Variants in MALRD1 observed in about 807,000 individuals in gnomAD.
MALRD1 encodes the protein MAM and LDL-receptor class A domain-containing protein 1.
MALRD1 carries 247 observed loss-of-function variants against 242.1 expected under a neutral mutation model. The ratio of observed to expected loss-of-function variants is 1.02; its 90% CI spans 0.92 to 1.13. The LOEUF (loss-of-function observed/expected upper bound fraction) is 1.13. Ranked by LOEUF, MALRD1 falls within the 50% of genes most tolerant of loss-of-function variation. MALRD1 has a pLI of 0.00. For missense variants in MALRD1, 2,989 were observed against 2,533.1 expected, an observed-to-expected ratio of 1.18 and a Z score of -3.86; for synonymous variants, 995 against 866.6, an observed-to-expected ratio of 1.15 and a Z score of -2.60.
At chr10:19,220,844 A>G (rs567860605) in intron 18 of MALRD1, among the ~76,000 whole-genome samples, 8 of 152,178 alleles carry the variant, frequency 5.3e-5, no homozygotes, top group Non-Finnish European at 1.0e-4. Flanking sequence ...CAACTTGTGA[A>G]TTATTTGGCA....
intron 38 of MALRD1, among the ~76,000 whole-genome samples, chr10:19,730,298 A>G (rs1835235339): frequency 6.6e-6 from 1 of 152,208 alleles, no homozygotes; most frequent in South Asian, 2.1e-4. Context: ...TTCAGGATGT[A>G]GTGGTTTGGC....
At chr10:19,482,249 A>C (rs3852460) in intron 29 of MALRD1, among the ~76,000 whole-genome samples, 35,907 of 151,954 alleles carry the variant, frequency 0.24, 5,225 homozygotes, top group East Asian at 0.41. Flanking sequence ...ACTAGGGGTT[A>C]ACTTTTGCTT....
At chr10:19,330,807 A>C (rs1030410247) in intron 23 of MALRD1, among the ~76,000 whole-genome samples, 1 of 152,164 alleles carries the variant, frequency 6.6e-6, no homozygotes, top group Non-Finnish European at 1.5e-5. Flanking sequence ...CTCATCACAT[A>C]CATGAATCAA....
chr10:19,431,556 T>C (rs557605474), intron 28 of MALRD1, among the ~76,000 whole-genome samples: 1 of 152,328 alleles, frequency 6.6e-6, no homozygotes, highest in Middle Eastern at 3.4e-3. Flanking sequence ...TCAGAAAATT[T>C]CACGTTGAAC....
chr10:19,065,972 T>C (rs928212008), intron 1 of MALRD1, among the ~76,000 whole-genome samples: 1 of 152,154 alleles, frequency 6.6e-6, no homozygotes, highest in Non-Finnish European at 1.5e-5. Flanking sequence ...AGTTTTAAGA[T>C]GTAACCTTAA....
At chr10:19,327,413 A>C in intron 22 of MALRD1, 150 bp from the exon 23 acceptor site, 1 of 580,000 alleles carries the variant, frequency 1.7e-6, no homozygotes, top group Non-Finnish European at 3.0e-6. Context: ...GAAAACAAAG[A>C]TATCTAATAA....
chr10:19,347,851 C>T lies in MALRD1; in HGVS notation c.3982C>T (p.Leu1328=), dbSNP rs1292634892. 1.9e-5 allele frequency: 29 copies of T among 1,550,230 alleles called. No homozygotes were observed. The highest frequency in any genetic ancestry group is 2.4e-5 in the Non-Finnish European group (27 of 1,146,840). ...QEKDEDFDWN[L]KASSIPAAGT... ...GAAAGATGAGGACTTTGACTGGAAC[C>T]TGAAAGCTAGCAGCATCCCTGCAGC... The change falls in exon 25 of 40, where the codon CTG becomes TTG. Residue 1328 remains leucine (L), a synonymous_variant. Transcript: ENST00000454679.
chr10:19,444,136 C>CT (rs1386501824), intron 28 of MALRD1, among the ~76,000 whole-genome samples: 2 of 151,898 alleles, frequency 1.3e-5, no homozygotes, highest in Admixed American at 6.6e-5. Context: ...GCAACCCCTG[C>CT]TTTTTTTTAT....
chr10:19,179,942 T>A (rs557977405), intron 14 of MALRD1, among the ~76,000 whole-genome samples: 1 of 151,904 alleles, frequency 6.6e-6, no homozygotes, highest in East Asian at 1.9e-4. Flanking sequence ...CTTAAATGAT[T>A]CTAAAACTAT....
chr10:19,583,365 G>A (rs1283376831), intron 33 of MALRD1, among the ~76,000 whole-genome samples: 74 of 150,024 alleles, frequency 4.9e-4, no homozygotes, highest in African/African-American at 1.3e-3. Flanking sequence ...TGGGTTTGTC[G>A]TAGATAGCTC....
intron 19 of MALRD1, among the ~76,000 whole-genome samples, chr10:19,263,661 C>A (rs563538735): frequency 6.6e-6 from 1 of 152,162 alleles, no homozygotes; most frequent in East Asian, 1.9e-4. Flanking sequence ...TGTAGATATC[C>A]ATTTCTTTAA....
At chr10:19,686,148 T>G (rs1842574363) in intron 36 of MALRD1, among the ~76,000 whole-genome samples, 1 of 149,930 alleles carries the variant, frequency 6.7e-6, no homozygotes, top group East Asian at 2.0e-4. Context: ...GAGTGAAAAT[T>G]TATTAAAAAG....
rs547255702 is a variant in MALRD1, at chr10:19,684,733, C to T, written c.6138-7549C>T. ...TGCCATTGCACTCCAGCCTGGGTGA[C>T]AGAGCAAGACTCTAACTCAAAAACA... On this transcript the variant is annotated intron_variant, in intron 36 of 39. Transcript: ENST00000454679. Among the ~76,000 whole-genome samples, 3 of 152,284 alleles carry T rather than the reference C, an allele frequency of 2.0e-5. No homozygotes were observed. The East Asian group carries it at 5.8e-4, about 29-fold the overall frequency.
chr10:19,267,227 TA>T (rs1840009053), intron 19 of MALRD1, among the ~76,000 whole-genome samples: 1 of 152,064 alleles, frequency 6.6e-6, no homozygotes, highest in African/African-American at 2.4e-5. Context: ...TTACTAAAAT[TA>T]TTAGTTATTA....
Position 19,566,907 on chromosome 10 carries a change from CT to C in MALRD1, c.5479-594del, listed in dbSNP as rs1390006493. On this transcript the variant is annotated intron_variant, in intron 32 of 39. Transcript: ENST00000454679. ...TTATTTGTACTGATAAGCAAAAGTACTAGAATCTAGCATGTATGTTTGTTGG... is the reference window on the plus strand; with the variant it reads ...TTATTTGTACTGATAAGCAAAAGTACAGAATCTAGCATGTATGTTTGTTGG... 2.0e-5 allele frequency among the ~76,000 whole-genome samples: 3 copies of C among 152,038 alleles called. No homozygotes were observed. In the East Asian group the frequency reaches 5.8e-4, roughly 29 times the overall value.
intron 18 of MALRD1, among the ~76,000 whole-genome samples, chr10:19,255,891 C>A (rs1448681535): frequency 6.6e-6 from 1 of 152,002 alleles, no homozygotes; most frequent in Non-Finnish European, 1.5e-5. Flanking sequence ...ATGGCCCTCT[C>A]TGGGTTACAG....
At chr10:19,519,355 T>C (rs911187969) in intron 31 of MALRD1, among the ~76,000 whole-genome samples, 3 of 152,200 alleles carry the variant, frequency 2.0e-5, no homozygotes, top group Non-Finnish European at 4.4e-5. Context: ...AAGGAGATTT[T>C]TATCAAGGAG....
chr10:19,411,067 A>C (rs986828649), intron 28 of MALRD1, among the ~76,000 whole-genome samples: 2 of 152,178 alleles, frequency 1.3e-5, no homozygotes, highest in South Asian at 4.1e-4. Context: ...GACTTTTTGA[A>C]TGAGAAGACT....
At position 19,136,638 on chromosome 10, in the gene MALRD1, A is replaced by C; in HGVS notation, c.1268A>C (p.Tyr423Ser). 8.1e-7 allele frequency: 1 copy of C among 1,231,598 alleles called. No individual in the cohort carries two copies. Among genetic ancestry groups the C allele is most frequent in the East Asian group, 3.2e-5 (1 of 31,690 alleles). The allele number at this position is 1,231,598 out of a possible 1,614,324, so 76.3% of individuals were successfully genotyped here. The change falls in exon 10 of 40, where the codon TAT (tyrosine) becomes TCT (serine). Residue 423 changes from tyrosine (Y) to serine (S), a missense_variant. Physicochemically the swap from Tyr to Ser is moderately radical, Grantham distance 144. Transcript: ENST00000454679. Reference sequence around the variant, plus strand: ...ATTGCCCTTGATCACCTCTGGGTCTATGCCTGTGGACAGACCCAATCCAGA... The same window carrying C: ...ATTGCCCTTGATCACCTCTGGGTCTCTGCCTGTGGACAGACCCAATCCAGA... Reference protein sequence around the residue: ...SFIALDHLWVYACGQTQSRKL... With the variant: ...SFIALDHLWVSACGQTQSRKL...
Sources: gnomAD v4.1 joint callset for allele counts (sites outside exome capture counted in the v4.1 genomes callset) on GRCh38, gnomAD v4.1.1 for gene constraint, MANE v1.5 for transcripts, NCBI Gene and HGNC (gene_info 2026-07-23, HGNC 2026-07-21) for gene names.